Variants in BRF1 observed in about 807,000 individuals in gnomAD.
The protein encoded by BRF1 is BRF1 general transcription factor IIIB subunit.
A neutral mutation model predicts 81.7 loss-of-function variants in BRF1; 59 were observed. The observed-to-expected ratio is 0.72, with a 90% CI of 0.59 to 0.90. The LOEUF (loss-of-function observed/expected upper bound fraction) is 0.90, where lower values mean the gene tolerates loss of function less well. Among genes scored for constraint, BRF1 ranks in the 40% least tolerant of loss-of-function variants. The pLI is 0.00. For synonymous variants in BRF1, 491 were observed against 395.6 expected, an observed-to-expected ratio of 1.24 and a Z score of -2.86; for missense variants, 1,050 against 936.3, an observed-to-expected ratio of 1.12 and a Z score of -1.58.
At chr14:105,301,571 G>A (rs2058030028), upstream of BRF1, among the ~76,000 whole-genome samples, 1 of 152,184 alleles carries the variant, frequency 6.6e-6, no homozygotes, top group South Asian at 2.1e-4. Flanking sequence ...CCCGCCAGGG[G>A]CCACCCTGCC....
chr14:105,229,591 T>C (rs950375443), intron 6 of BRF1, among the ~76,000 whole-genome samples: 2 of 152,198 alleles, frequency 1.3e-5, no homozygotes, highest in African/African-American at 4.8e-5. Flanking sequence ...GAGTGACAGC[T>C]GCGACCTGGG....
At chr14:105,290,522 C>T (rs1352460284) in intron 1 of BRF1, among the ~76,000 whole-genome samples, 2 of 152,226 alleles carry the variant, frequency 1.3e-5, no homozygotes. Flanking sequence ...GTACAGTGGG[C>T]TGCAGGCGTG....
At chr14:105,275,499 G>A (rs1340985866) in intron 2 of BRF1, among the ~76,000 whole-genome samples, 5 of 152,242 alleles carry the variant, frequency 3.3e-5, no homozygotes, top group African/African-American at 4.8e-5. Flanking sequence ...AGCACAGACC[G>A]TCCCCGCGGC....
upstream of BRF1, among the ~76,000 whole-genome samples, chr14:105,305,164 G>A (rs1317401655): frequency 6.6e-6 from 1 of 152,198 alleles, no homozygotes; most frequent in Admixed American, 6.5e-5. Flanking sequence ...ACTTTGGGAG[G>A]CTGAGGAGGG....
intron 17 of BRF1, 107 bp downstream of exon 17, chr14:105,211,015 C>G: frequency 6.7e-7 from 1 of 1,501,996 alleles, no homozygotes; most frequent in South Asian, 1.3e-5. Context: ...CAGGGAGAAA[C>G]AGAAATTTAG....
chr14:105,227,102 T>G (rs1243454459), intron 7 of BRF1: 1 of 256,090 alleles, frequency 3.9e-6, no homozygotes, highest in Non-Finnish European at 7.4e-6. Flanking sequence ...GGCAGCAGAG[T>G]GAGATTTTGT....
intron 5 of BRF1, chr14:105,250,274 C>G: frequency 6.2e-7 from 1 of 1,613,072 alleles, no homozygotes; most frequent in East Asian, 2.2e-5. Context: ...GTGGCGGTAC[C>G]GCGGGCGCTG....
chr14:105,229,270 G>A (rs1268482075), intron 6 of BRF1, among the ~76,000 whole-genome samples: 2 of 152,266 alleles, frequency 1.3e-5, no homozygotes, highest in African/African-American at 4.8e-5. Flanking sequence ...AGCCAGGCTG[G>A]GCAGGAAAGG....
At chr14:105,224,214 C>T (rs1475024076) in intron 10 of BRF1, among the ~76,000 whole-genome samples, 1 of 152,156 alleles carries the variant, frequency 6.6e-6, no homozygotes, top group Non-Finnish European at 1.5e-5. Flanking sequence ...ACAAAAAATA[C>T]AAAAATTAGC....
At chr14:105,263,362 G>C (rs2056248312) in intron 3 of BRF1, among the ~76,000 whole-genome samples, 2 of 152,148 alleles carry the variant, frequency 1.3e-5, no homozygotes, top group Non-Finnish European at 2.9e-5. Context: ...CAAGAGAAGA[G>C]GAAGCAACTT....
chr14:105,249,498 G>GGT, intron 5 of BRF1: 6 of 1,595,536 alleles, frequency 3.8e-6, no homozygotes, highest in Non-Finnish European at 5.2e-6. Context: ...CTCTACTGGG[G>GGT]AGGGACGGGT....
chr14:105,220,056 T>A lies in BRF1; in HGVS notation c.1377+13A>T. The stretch of plus-strand genomic sequence containing the variant: ...AAGCCCAGCCCCTCTTGGGAAGGGG[T>A]GCTGCCACGTACCCTGTCAATCTCC... On this transcript the variant is annotated intron_variant, in intron 12 of 17. Coordinates refer to ENST00000547530, the MANE Select transcript of BRF1 (RefSeq NM_001519.4). 6.2e-7 allele frequency: 1 copy of A among 1,611,306 alleles called. No individual in the cohort carries two copies.
At chr14:105,249,602 T>C (rs2055457066) in intron 5 of BRF1, 2 of 1,589,428 alleles carry the variant, frequency 1.3e-6, no homozygotes, top group Middle Eastern at 1.7e-4. Context: ...GATGGGTGCT[T>C]GGGAGCCAGC....
At chr14:105,227,539 C>G (rs1046317864) in intron 7 of BRF1, 4 of 152,428 alleles carry the variant, frequency 2.6e-5, no homozygotes, top group African/African-American at 9.6e-5. Flanking sequence ...CTGGCGGCTT[C>G]TCCACCCCTA....
upstream of BRF1, among the ~76,000 whole-genome samples, chr14:105,304,829 A>G (rs370259940): frequency 1.4e-3 from 213 of 152,348 alleles, 7 homozygotes; most frequent in South Asian, 0.043. Flanking sequence ...TCCCTCTTAT[A>G]AAACCGTCAG....
In BRF1 at chr14:105,252,399, G is replaced by C. The variant is rs587713669; in HGVS notation, c.544+108C>G. 8 of 1,475,974 alleles carry C rather than the reference G, an allele frequency of 5.4e-6. No homozygotes were observed. The South Asian group carries it at 7.0e-5, about 13-fold the overall frequency. The allele number at this position is 1,475,974 out of a possible 1,614,324, so 91.4% of individuals were successfully genotyped here. On this transcript the variant is annotated intron_variant, in intron 5 of 17. Coordinates refer to ENST00000547530, the MANE Select transcript of BRF1 (RefSeq NM_001519.4). Reference sequence around the variant, plus strand: ...CTTTAAGAAACATTTCTTACCTTGAGGGGTCCCATGCTTGGACAGGATTTC... The same window carrying C: ...CTTTAAGAAACATTTCTTACCTTGACGGGTCCCATGCTTGGACAGGATTTC...
In BRF1 at chr14:105,252,501, G is replaced by C; in HGVS notation, c.544+6C>G. 6.2e-7 allele frequency: 1 copy of C among 1,613,330 alleles called. No individual in the cohort carries two copies. The highest frequency in any genetic ancestry group is 8.5e-7 in the Non-Finnish European group (1 of 1,179,794). On this transcript the variant is annotated splice_donor_region_variant and intron_variant, in intron 5 of 17. Coordinates refer to ENST00000547530, the MANE Select transcript of BRF1 (RefSeq NM_001519.4). The stretch of plus-strand genomic sequence containing the variant: ...GGACACCCCAGCATCTCACCCAGAT[G>C]CCTACCTATGGCCGGCGCATTGATG...
chr14:105,215,339 G>GCA (rs895341250), intron 15 of BRF1, among the ~76,000 whole-genome samples: 9 of 152,246 alleles, frequency 5.9e-5, no homozygotes, highest in Middle Eastern at 3.4e-3. Context: ...CATGTTGCAT[G>GCA]CACACACACT....
In BRF1 at chr14:105,209,906, C is replaced by T. The variant is rs769619286; in HGVS notation, c.*645G>A. On this transcript the variant is annotated 3_prime_UTR_variant, in exon 18 of 18. Coordinates refer to ENST00000547530, the MANE Select transcript of BRF1 (RefSeq NM_001519.4). ...ATGCTGCTCCAGGCGGTGCAGGCAG[C>T]GGGGAGGGGGGTCTGGAGGAGGCAG... is the stretch of plus-strand genomic sequence containing the variant. 2.4e-5 allele frequency: 8 copies of T among 330,010 alleles called. No homozygotes were observed. The highest frequency in any genetic ancestry group is 2.2e-4 in the South Asian group (2 of 9,264). The allele number at this position is 330,010 out of a possible 1,614,324, so 20.4% of individuals were successfully genotyped here.
Sources: gnomAD v4.1 joint callset for allele counts (sites outside exome capture counted in the v4.1 genomes callset) on GRCh38, gnomAD v4.1.1 for gene constraint, MANE v1.5 for transcripts, NCBI Gene and HGNC (gene_info 2026-07-23, HGNC 2026-07-21) for gene names.